SHB: variants seen among roughly 807,000 people sequenced by gnomAD.
SHB encodes the protein SH2 domain-containing adapter protein B.
In SHB, 20 loss-of-function variants were observed where a neutral mutation model predicts 52.3. The observed-to-expected ratio is 0.38, with a 90% CI of 0.27 to 0.56. The LOEUF (loss-of-function observed/expected upper bound fraction) is 0.56, where lower values mean the gene tolerates loss of function less well. SHB is among the 20% of genes least tolerant of loss of function. The pLI, the probability that SHB is intolerant of heterozygous loss-of-function variation, is 0.71. For synonymous variants in SHB, 397 were observed against 316.5 expected, an observed-to-expected ratio of 1.25 and a Z score of -2.70; for missense variants, 825 against 723.3, an observed-to-expected ratio of 1.14 and a Z score of -1.61.
At chr9:37,994,677 T>C (rs981640059) in intron 2 of SHB, among the ~76,000 whole-genome samples, 1 of 152,214 alleles carries the variant, frequency 6.6e-6, no homozygotes, top group Admixed American at 6.5e-5. Context: ...TAAAACCCCA[T>C]GCAGATGTTA....
chr9:38,062,314 T>C (rs1209391519), intron 1 of SHB, among the ~76,000 whole-genome samples: 1 of 152,188 alleles, frequency 6.6e-6, no homozygotes, highest in Non-Finnish European at 1.5e-5. Context: ...ATCCGGAATA[T>C]GGGGATAAGG....
At chr9:38,067,316 C>T (rs945070289) in intron 1 of SHB, among the ~76,000 whole-genome samples, 1 of 152,080 alleles carries the variant, frequency 6.6e-6, no homozygotes, top group Admixed American at 6.5e-5. Context: ...TTGCAGGCAG[C>T]GCATTTCAAC....
chr9:37,982,964 C>T (rs922003913), intron 2 of SHB, among the ~76,000 whole-genome samples: 3 of 130,704 alleles, frequency 2.3e-5, no homozygotes, highest in Admixed American at 7.9e-5. Context: ...ATCAGCAGGC[C>T]TCTCTGGTGC....
intron 1 of SHB, among the ~76,000 whole-genome samples, chr9:38,059,841 C>G (rs775798252): frequency 6.6e-6 from 1 of 152,192 alleles, no homozygotes; most frequent in Non-Finnish European, 1.5e-5. Flanking sequence ...AGAATGCACT[C>G]CTCCCCATGA....
At chr9:38,043,803 G>A (rs1012680609) in intron 1 of SHB, among the ~76,000 whole-genome samples, 2 of 152,086 alleles carry the variant, frequency 1.3e-5, no homozygotes, top group Non-Finnish European at 2.9e-5. Flanking sequence ...GCAGGAGAAT[G>A]GCTTGAACCC....
At position 37,955,979 on chromosome 9, in the gene SHB, G is replaced by A; in HGVS notation, c.1130C>T (p.Pro377Leu). ...TTTGATAGGCTTAAAGCCCCCTCCA[G>A]GGGCACGAAGCTGGCGCCGCCGGTC... ...SRDRRRQLRA[P>L]GGGFKPIKHG... Residue 377 changes from proline (P) to leucine (L), a missense_variant, in exon 4 of 6, where the codon CCT becomes CTT. Physicochemically the swap from Pro to Leu is moderately conservative, Grantham distance 98 (BLOSUM62 -3). Transcript: ENST00000377707. 5 of 1,606,602 alleles carry A rather than the reference G, an allele frequency of 3.1e-6. No homozygotes were observed. Among genetic ancestry groups the A allele is most frequent in the Non-Finnish European group, 4.2e-6 (5 of 1,177,154 alleles).
intron 5 of SHB, 32 bp from the exon 6 acceptor site, chr9:37,920,036 C>T (rs749370412): frequency 1.9e-6 from 3 of 1,570,472 alleles, no homozygotes; most frequent in East Asian, 2.2e-5. Flanking sequence ...ATCAGAACTA[C>T]CCCCCTGACA....
At chr9:38,051,266 C>G (rs1253937676) in intron 1 of SHB, among the ~76,000 whole-genome samples, 1 of 151,776 alleles carries the variant, frequency 6.6e-6, no homozygotes, top group African/African-American at 2.4e-5. Context: ...ATGGTGAAAC[C>G]CTGTCTCTAC....
intron 1 of SHB, among the ~76,000 whole-genome samples, chr9:38,059,009 G>T (rs1821857610): frequency 6.6e-6 from 1 of 152,226 alleles, no homozygotes; most frequent in African/African-American, 2.4e-5. Context: ...TGTCATGAGA[G>T]AGCAAGCTCA....
intron 1 of SHB, among the ~76,000 whole-genome samples, chr9:38,035,742 T>C (rs1202707034): frequency 6.6e-6 from 1 of 152,156 alleles, no homozygotes; most frequent in African/African-American, 2.4e-5. Flanking sequence ...TTTAGGTTCC[T>C]GAGGGTCATA....
chr9:38,067,124 G>A (rs372498740), intron 1 of SHB, among the ~76,000 whole-genome samples: 4 of 152,162 alleles, frequency 2.6e-5, no homozygotes, highest in Non-Finnish European at 5.9e-5. Context: ...GTGGCCTAAT[G>A]CGTTAGGAAG....
At chr9:37,989,070 T>G (rs1420802068) in intron 2 of SHB, among the ~76,000 whole-genome samples, 1 of 130,004 alleles carries the variant, frequency 7.7e-6, no homozygotes, top group South Asian at 2.5e-4. Context: ...TCTCTGCACA[T>G]GCACATACAC....
chr9:37,941,410 C>T (rs938195242), intron 5 of SHB, among the ~76,000 whole-genome samples: 1 of 152,206 alleles, frequency 6.6e-6, no homozygotes, highest in South Asian at 2.1e-4. Context: ...AGTCCCTTTG[C>T]CCAACACTAC....
chr9:37,941,319 C>A (rs1482573953), intron 5 of SHB, among the ~76,000 whole-genome samples: 1 of 152,352 alleles, frequency 6.6e-6, no homozygotes, highest in East Asian at 1.9e-4. Context: ...ATATGCTAAG[C>A]ACTTCACATA....
intron 2 of SHB, among the ~76,000 whole-genome samples, chr9:37,999,223 G>C (rs192568293): frequency 7.2e-5 from 11 of 152,290 alleles, no homozygotes; most frequent in Admixed American, 5.9e-4. Flanking sequence ...AGCCAGGCCT[G>C]GGAAACTCAT....
intron 2 of SHB, among the ~76,000 whole-genome samples, chr9:37,982,974 C>G (rs1173456109): frequency 3.1e-5 from 1 of 31,962 alleles, no homozygotes; most frequent in Non-Finnish European, 5.8e-5. Flanking sequence ...CTCTCTGGTG[C>G]CCCCCCCTCC....
At chr9:37,936,445 A>G (rs925880676) in intron 5 of SHB, among the ~76,000 whole-genome samples, 2 of 152,186 alleles carry the variant, frequency 1.3e-5, no homozygotes, top group Admixed American at 6.5e-5. Context: ...ATCTGATTTT[A>G]TTACAATCAT....
intron 2 of SHB, among the ~76,000 whole-genome samples, chr9:37,977,080 T>C (rs1457794772): frequency 2.0e-5 from 3 of 152,218 alleles, no homozygotes; most frequent in African/African-American, 4.8e-5. Context: ...TGCCTACCAG[T>C]TGGGTGGTAG....
chr9:38,042,590 G>A (rs1821598201), intron 1 of SHB, among the ~76,000 whole-genome samples: 1 of 152,208 alleles, frequency 6.6e-6, no homozygotes, highest in Admixed American at 6.5e-5. Flanking sequence ...TCAGCTGGGT[G>A]TTTAAGAGGG....
Sources: gnomAD v4.1 joint callset for allele counts (sites outside exome capture counted in the v4.1 genomes callset) on GRCh38, gnomAD v4.1.1 for gene constraint, MANE v1.5 for transcripts, NCBI Gene and HGNC (gene_info 2026-07-23, HGNC 2026-07-21) for gene names.